Variants in ZBTB20 observed in about 807,000 individuals in gnomAD.
ZBTB20 encodes zinc finger and BTB domain containing 20.
In ZBTB20, 9 loss-of-function variants were observed where a neutral mutation model predicts 56.9. The ratio of observed to expected loss-of-function variants is 0.16; its 90% CI spans 0.10 to 0.28. The LOEUF (loss-of-function observed/expected upper bound fraction) is 0.28, where lower values mean the gene tolerates loss of function less well. Ranked by LOEUF, ZBTB20 falls within the 10% of genes least tolerant of loss-of-function variation. ZBTB20 has a pLI of 1.00. For synonymous variants in ZBTB20, 417 were observed against 420.7 expected (o/e 0.99, Z 0.11); for missense variants, 655 against 1,003.0 (o/e 0.65, Z 4.69).
At chr3:114,970,466 T>G (rs1230957173) in intron 3 of ZBTB20, among the ~76,000 whole-genome samples, 1 of 152,244 alleles carries the variant, frequency 6.6e-6, no homozygotes, top group African/African-American at 2.4e-5. Context: ...CTATACATCT[T>G]GGACAATGTT....
chr3:114,387,731 G>A (rs2108601921), intron 8 of ZBTB20: 1 of 152,234 alleles, frequency 6.6e-6, no homozygotes, highest in East Asian at 1.9e-4. Flanking sequence ...AATTTCTCGG[G>A]TATTCCTTGC....
At chr3:114,901,764 A>C (rs1378185075) in intron 3 of ZBTB20, among the ~76,000 whole-genome samples, 1 of 152,162 alleles carries the variant, frequency 6.6e-6, no homozygotes, top group Non-Finnish European at 1.5e-5. Flanking sequence ...ATGATGCTAA[A>C]ATATTATATA....
chr3:114,342,427 TA>T (rs1326113985), intron 11 of ZBTB20, among the ~76,000 whole-genome samples: 1 of 152,184 alleles, frequency 6.6e-6, no homozygotes, highest in Non-Finnish European at 1.5e-5. Flanking sequence ...AAAAAGTGGA[TA>T]ATTGAATTAT....
At chr3:114,987,787 G>A (rs560239598) in intron 2 of ZBTB20, among the ~76,000 whole-genome samples, 2 of 152,182 alleles carry the variant, frequency 1.3e-5, no homozygotes, top group African/African-American at 4.8e-5. Flanking sequence ...GAGTGTAAGT[G>A]CAAACCCTTC....
chr3:114,508,900 TAAGACCTTTCA>T (rs1312409652), intron 6 of ZBTB20, among the ~76,000 whole-genome samples: 6 of 152,170 alleles, frequency 3.9e-5, no homozygotes, highest in Non-Finnish European at 7.4e-5. Context: ...GATAGAGGTC[TAAGACCTTTCA>T]AAAGAAACGT....
In ZBTB20 at chr3:114,985,960, T is replaced by C. The variant is rs947996813; in HGVS notation, c.-506-11544A>G. On this transcript the variant is annotated intron_variant, in intron 2 of 11. Transcript: ENST00000675478. ...CAATAAACATATAAACAAATGACCA[T>C]GGCTGTACTCCAATAAAACTTTGTT... Among the ~76,000 whole-genome samples the C allele has an allele frequency of 4.6e-5, 7 of 152,060 alleles. No individual in the cohort carries two copies. In the East Asian group the frequency reaches 5.8e-4, roughly 13 times the overall value.
Position 114,780,025 on chromosome 3 carries a change from T to A in ZBTB20, c.-343+21076A>T, listed in dbSNP as rs567539101. Reference sequence around the variant, plus strand: ...AAGTAGTTTAGTGAATTTTTAAAAATCTGTAATGAATAAAACCAGACTTTA... The same window carrying A: ...AAGTAGTTTAGTGAATTTTTAAAAAACTGTAATGAATAAAACCAGACTTTA... On this transcript the variant is annotated intron_variant, in intron 5 of 11. Transcript: ENST00000675478. Among the ~76,000 whole-genome samples, 8 of 152,316 alleles carry A rather than the reference T, an allele frequency of 5.3e-5. No individual in the cohort carries two copies. The East Asian group carries it at 1.5e-3, about 29-fold the overall frequency.
At position 114,461,303 on chromosome 3, in the gene ZBTB20, C is replaced by G. The variant is rs868841544; in HGVS notation, c.-255+39049G>C. Among the ~76,000 whole-genome samples, 150 of 151,388 alleles carry G rather than the reference C, an allele frequency of 9.9e-4. 1 individual carries two copies. The Middle Eastern group carries it at 0.031, about 31-fold the overall frequency. ...ACAAACAAAACAATCTCCTCCCCCC[C>G]CCCTCTTTTTTTTTGAGACAGGGTC... On this transcript the variant is annotated intron_variant, in intron 7 of 11. Coordinates refer to ENST00000675478, the MANE Select transcript of ZBTB20 (RefSeq NM_001348800.3).
intron 1 of ZBTB20, among the ~76,000 whole-genome samples, chr3:115,080,105 T>G (rs2082743474): frequency 6.6e-6 from 1 of 152,098 alleles, no homozygotes; most frequent in African/African-American, 2.4e-5. Flanking sequence ...GTAACTGGGA[T>G]TAGATAAAGT....
intron 2 of ZBTB20, among the ~76,000 whole-genome samples, chr3:115,035,428 T>C (rs1162861223): frequency 6.6e-6 from 1 of 152,010 alleles, no homozygotes; most frequent in Non-Finnish European, 1.5e-5. Context: ...CCAAGAAAGA[T>C]ATACAGATGG....
At chr3:114,444,441 C>T (rs1410558070) in intron 7 of ZBTB20, among the ~76,000 whole-genome samples, 2 of 152,134 alleles carry the variant, frequency 1.3e-5, no homozygotes, top group Non-Finnish European at 2.9e-5. Context: ...GGTGAGGTTA[C>T]TGGCATAGAA....
chr3:114,495,781 G>A (rs561574239), intron 7 of ZBTB20, among the ~76,000 whole-genome samples: 2 of 152,280 alleles, frequency 1.3e-5, no homozygotes, highest in East Asian at 3.9e-4. Flanking sequence ...ATGAAAGACA[G>A]TGAATATTTT....
intron 2 of ZBTB20, among the ~76,000 whole-genome samples, chr3:115,023,228 G>A (rs1396856462): frequency 6.6e-6 from 1 of 150,932 alleles, no homozygotes; most frequent in Non-Finnish European, 1.5e-5. Flanking sequence ...GTTGTTCAAT[G>A]TAGAATAGGG....
In ZBTB20 at chr3:114,917,327, T is replaced by A. The variant is rs146282990; in HGVS notation, c.-455-16985A>T. On this transcript the variant is annotated intron_variant, in intron 3 of 11. Coordinates refer to ENST00000675478, the MANE Select transcript of ZBTB20 (RefSeq NM_001348800.3). The stretch of plus-strand genomic sequence containing the variant: ...TTCCTCAATAATTCTGTCTAAAAGG[T>A]CACGTTATCTCTGTGTTTCTGAGAT... 9.3e-3 allele frequency among the ~76,000 whole-genome samples: 1,419 copies of A among 152,312 alleles called. 29 individuals are homozygous for A. Among genetic ancestry groups the A allele is most frequent in the South Asian group, 0.069 (334 of 4,824 alleles).
intron 2 of ZBTB20, among the ~76,000 whole-genome samples, chr3:114,989,924 A>C (rs1576502245): frequency 6.6e-6 from 1 of 152,122 alleles, no homozygotes; most frequent in Non-Finnish European, 1.5e-5. Context: ...GGTGTATAAG[A>C]ATGTTCGTGA....
At chr3:115,139,300 T>C (rs1311260816) in intron 1 of ZBTB20, among the ~76,000 whole-genome samples, 5 of 151,978 alleles carry the variant, frequency 3.3e-5, no homozygotes, top group Non-Finnish European at 5.9e-5. Flanking sequence ...CCATTCATAC[T>C]AGCAAAAAGG....
intron 8 of ZBTB20, among the ~76,000 whole-genome samples, chr3:114,382,834 C>T (rs2084553240): frequency 6.6e-6 from 1 of 152,130 alleles, no homozygotes; most frequent in African/African-American, 2.4e-5. Context: ...TCCTTCTCTC[C>T]TGTCATTCAT....
At chr3:114,544,466 TTTCTTTC>T (rs1559938308) in intron 6 of ZBTB20, among the ~76,000 whole-genome samples, 1 of 117,336 alleles carries the variant, frequency 8.5e-6, no homozygotes, top group African/African-American at 3.4e-5. Flanking sequence ...TCTTTCTTTC[TTTCTTTC>T]TTTCTTTTTC....
chr3:114,530,859 C>G (rs1421546798), intron 6 of ZBTB20, among the ~76,000 whole-genome samples: 1 of 152,106 alleles, frequency 6.6e-6, no homozygotes, highest in Non-Finnish European at 1.5e-5. Context: ...ATAATACTGG[C>G]CTAATTTCCC....
Sources: gnomAD v4.1 joint callset for allele counts (sites outside exome capture counted in the v4.1 genomes callset) on GRCh38, gnomAD v4.1.1 for gene constraint, MANE v1.5 for transcripts, NCBI Gene and HGNC (gene_info 2026-07-23, HGNC 2026-07-21) for gene names.